TMEM132B: variants seen among roughly 807,000 people sequenced by gnomAD.
The protein encoded by TMEM132B is transmembrane protein 132B.
In TMEM132B, 18 loss-of-function variants were observed where a neutral mutation model predicts 90.8. That is an observed-to-expected ratio of 0.20 (90% confidence interval 0.14 to 0.29). The LOEUF is 0.29. TMEM132B is among the 10% of genes least tolerant of loss of function. The pLI, the probability that TMEM132B is intolerant of heterozygous loss-of-function variation, is 1.00. For synonymous variants in TMEM132B, 504 were observed against 523.3 expected (o/e 0.96, Z 0.50); for missense variants, 1,096 against 1,326.8 (o/e 0.83, Z 2.70).
chr12:125,497,012 G>A (rs148031973), intron 3 of TMEM132B, among the ~76,000 whole-genome samples: 116 of 152,268 alleles, frequency 7.6e-4, no homozygotes, highest in African/African-American at 2.7e-3. Flanking sequence ...TTGATGAAAT[G>A]CACTGATTAA....
chr12:125,557,804 G>C (rs904583629), intron 4 of TMEM132B, among the ~76,000 whole-genome samples: 1 of 152,182 alleles, frequency 6.6e-6, no homozygotes. Context: ...GGCTGTCCGA[G>C]TGGCTAATTT....
chr12:125,625,130 C>CCTTTTTTTT (rs1459129162), intron 5 of TMEM132B, among the ~76,000 whole-genome samples: 1 of 103,910 alleles, frequency 9.6e-6, no homozygotes, highest in African/African-American at 3.9e-5. Context: ...GATTTGACTT[C>CCTTTTTTTT]TTTTTTTTTT....
At chr12:125,476,141 G>T (rs1308827036) in intron 3 of TMEM132B, among the ~76,000 whole-genome samples, 1 of 152,072 alleles carries the variant, frequency 6.6e-6, no homozygotes, top group Non-Finnish European at 1.5e-5. Flanking sequence ...TGGCCATTTT[G>T]GTAAGGAAAA....
chr12:125,368,117 A>G (rs535432319), intron 2 of TMEM132B, among the ~76,000 whole-genome samples: 2 of 152,294 alleles, frequency 1.3e-5, no homozygotes, highest in South Asian at 4.1e-4. Context: ...TTACCACAGT[A>G]TAGTCCATTC....
intron 1 of TMEM132B, among the ~76,000 whole-genome samples, chr12:125,266,186 G>A (rs188612785): frequency 1.9e-4 from 29 of 152,116 alleles, no homozygotes; most frequent in African/African-American, 6.8e-4. Flanking sequence ...CTGAGATCGC[G>A]CCACTGCACT....
Position 125,349,978 on chromosome 12 carries a change from G to T in TMEM132B, c.594G>T (p.Trp198Cys). The T allele has an allele frequency of 6.2e-7, 1 of 1,614,174 alleles. No individual in the cohort carries two copies. The highest frequency in any genetic ancestry group is 8.5e-7 in the Non-Finnish European group (1 of 1,180,042). ...CTGAGCTGGAGCTGCTGCCCGAGTG[G>T]TTCAGCTCAGGCCTGGACCTGGAAC... ...CVAELELLPE[W>C]FSSGLDLEPE... The change falls in exon 2 of 9, where the codon TGG (tryptophan) becomes TGT (cysteine). Residue 198 changes from tryptophan (W) to cysteine (C), a missense_variant. Physicochemically the swap from Trp to Cys is radical, Grantham distance 215. Coordinates refer to ENST00000682704, the MANE Select transcript of TMEM132B (RefSeq NM_001366854.1). This position sits in a 1 kb window ranked among gnomAD's most constrained non-coding sequence, Gnocchi z 4.1.
intron 1 of TMEM132B, among the ~76,000 whole-genome samples, chr12:125,252,025 T>C (rs1874327595): frequency 6.6e-6 from 1 of 152,192 alleles, no homozygotes; most frequent in Non-Finnish European, 1.5e-5. Context: ...GAGAGTTGTA[T>C]GTGAAGCCTT....
intron 6 of TMEM132B, among the ~76,000 whole-genome samples, chr12:125,645,565 G>A (rs1886745138): frequency 6.6e-6 from 1 of 152,210 alleles, no homozygotes; most frequent in African/African-American, 2.4e-5. Flanking sequence ...AACCAGCCAG[G>A]AAATAGGGCC....
chr12:125,254,320 G>A (rs1384568313), intron 1 of TMEM132B, among the ~76,000 whole-genome samples: 3 of 152,106 alleles, frequency 2.0e-5, no homozygotes, highest in Admixed American at 1.3e-4. Flanking sequence ...ACTTTGAGAA[G>A]AAGAGCAAAA....
intron 4 of TMEM132B, among the ~76,000 whole-genome samples, chr12:125,531,400 G>A (rs1883644212): frequency 6.6e-6 from 1 of 152,108 alleles, no homozygotes; most frequent in African/African-American, 2.4e-5. Context: ...TGTTGCCCAG[G>A]CTGTTCTCTA....
intron 1 of TMEM132B, among the ~76,000 whole-genome samples, chr12:125,207,621 AC>A (rs1240050988): frequency 1.3e-5 from 2 of 152,228 alleles, no homozygotes; most frequent in Admixed American, 1.3e-4. Context: ...TTTTAAGTGT[AC>A]AGTTCTGTGG....
intron 2 of TMEM132B, among the ~76,000 whole-genome samples, chr12:125,402,614 G>A (rs368430909): frequency 2.0e-5 from 3 of 152,214 alleles, no homozygotes; most frequent in East Asian, 3.8e-4. Context: ...CTTTTGCATT[G>A]TATTTATAGT....
intron 5 of TMEM132B, among the ~76,000 whole-genome samples, chr12:125,632,006 A>C (rs1446008211): frequency 6.6e-6 from 1 of 150,708 alleles, no homozygotes; most frequent in African/African-American, 2.4e-5. Flanking sequence ...GTAAGGACTT[A>C]CTCCTTCCAT....
intron 1 of TMEM132B, chr12:125,301,258 T>C (rs1325894987): frequency 6.6e-6 from 1 of 152,158 alleles, no homozygotes; most frequent in Non-Finnish European, 1.5e-5. Context: ...TATGTGGAGG[T>C]GCTGAGTTGT....
At chr12:125,585,356 A>G (rs1885156262) in intron 5 of TMEM132B, 1 of 152,228 alleles carries the variant, frequency 6.6e-6, no homozygotes, top group African/African-American at 2.4e-5. Context: ...TTCAGAGTTT[A>G]GAAAGAGCTG....
At chr12:125,473,160 T>C (rs1356188656) in intron 3 of TMEM132B, among the ~76,000 whole-genome samples, 1 of 152,140 alleles carries the variant, frequency 6.6e-6, no homozygotes. Context: ...TTTGCCTCCA[T>C]GGTCAGCTCA....
At chr12:125,626,183 C>G (rs1276979278) in intron 5 of TMEM132B, among the ~76,000 whole-genome samples, 1 of 89,844 alleles carries the variant, frequency 1.1e-5, no homozygotes, top group Non-Finnish European at 2.5e-5. Flanking sequence ...CTGACACCTT[C>G]TTTTTTTCTG....
chr12:125,343,892 AT>A lies in TMEM132B; in HGVS notation c.68-5559del, dbSNP rs1877274676. ...AGTGTGATGGGCAAATGCTGTGTTA[AT>A]AAAAACAGTATCTATTAACAACCCT... On this transcript the variant is annotated intron_variant, in intron 1 of 8. Coordinates refer to ENST00000682704, the MANE Select transcript of TMEM132B (RefSeq NM_001366854.1). Among the ~76,000 whole-genome samples the A allele has an allele frequency of 1.3e-5, 2 of 152,244 alleles. 1 individual carries two copies. Among genetic ancestry groups the A allele is most frequent in the South Asian group, 4.1e-4 (2 of 4,832 alleles).
chr12:125,375,444 T>G (rs971144021), intron 2 of TMEM132B, among the ~76,000 whole-genome samples: 2 of 152,184 alleles, frequency 1.3e-5, no homozygotes, highest in African/African-American at 4.8e-5. Context: ...AAAGGACAAA[T>G]GTTTTTGGAG....
Sources: allele counts gnomAD v4.1 joint callset (sites outside exome capture counted in the v4.1 genomes callset), GRCh38; gene constraint gnomAD v4.1.1; non-coding constraint Gnocchi (gnomAD v3.1); transcripts MANE v1.5; gene names NCBI Gene and HGNC (gene_info 2026-07-23, HGNC 2026-07-21).